The following UNC79 variants were observed in gnomAD, a reference collection of about 807,000 sequenced individuals.
The protein encoded by UNC79 is unc-79 subunit of NALCN channel complex, also known as protein unc-79 homolog.
A neutral mutation model predicts 283.1 loss-of-function variants in UNC79; 37 were observed. That is an observed-to-expected ratio of 0.13 (90% CI 0.10 to 0.17). The LOEUF is 0.17. Among genes scored for constraint, UNC79 ranks in the 10% least tolerant of loss-of-function variants. The pLI, the probability that UNC79 is intolerant of heterozygous loss-of-function variation, is 1.00. For synonymous variants in UNC79, 1,107 were observed against 1,200.2 expected (o/e 0.92, Z 1.61); for missense variants, 2,272 against 3,211.1 (o/e 0.71, Z 7.07).
chr14:93,700,301 G>A (rs749603981), intron 47 of UNC79, among the ~76,000 whole-genome samples: 34 of 151,810 alleles, frequency 2.2e-4, no homozygotes, highest in Non-Finnish European at 5.9e-5. Context: ...TTGAATCTCT[G>A]GATTTATAGT....
At chr14:93,630,520 T>G (rs1415534630) in intron 30 of UNC79, among the ~76,000 whole-genome samples, 1 of 152,192 alleles carries the variant, frequency 6.6e-6, no homozygotes, top group Non-Finnish European at 1.5e-5. Context: ...AAGGAATTTG[T>G]TTGGGGATAT....
chr14:93,652,881 T>C (rs1052170739), intron 35 of UNC79, among the ~76,000 whole-genome samples: 7 of 152,206 alleles, frequency 4.6e-5, no homozygotes, highest in Admixed American at 3.3e-4. Context: ...CTATGCTGCC[T>C]GCATCAAACA....
intron 7 of UNC79, among the ~76,000 whole-genome samples, chr14:93,516,461 G>GA (rs1491425881): frequency 1.5e-3 from 136 of 90,870 alleles, no homozygotes; most frequent in African/African-American, 4.7e-3. Context: ...GGGGGGGGGG[G>GA]TGGGGGATGG....
At position 93,690,393 on chromosome 14, in the gene UNC79, T is replaced by C. The variant is rs1295289143; in HGVS notation, c.7272+90T>C. The C allele has an allele frequency of 2.1e-6, 3 of 1,417,532 alleles. No homozygotes were observed. Among genetic ancestry groups the C allele is most frequent in the Non-Finnish European group, 2.9e-6 (3 of 1,044,496 alleles). The allele number at this position is 1,417,532 out of a possible 1,614,324, so 87.8% of individuals were successfully genotyped here. On this transcript the variant is annotated intron_variant, in intron 45 of 48. Coordinates refer to ENST00000555664, the Ensembl canonical transcript of UNC79. This position sits in a 1 kb window ranked among gnomAD's most constrained non-coding sequence, Gnocchi z 4.3. ...AATTATGTTTCTTCTGAGAAGAAAA[T>C]ACATCTTATCATTTGCCCTCCTGTG...
chr14:93,680,583 CTATT>C (rs150467251), intron 41 of UNC79, among the ~76,000 whole-genome samples: 4 of 151,884 alleles, frequency 2.6e-5, no homozygotes, highest in South Asian at 2.1e-4. Flanking sequence ...ACTTAGATAG[CTATT>C]TATTTATTTA....
At chr14:93,670,334 A>G (rs777708763) in intron 40 of UNC79, among the ~76,000 whole-genome samples, 2 of 152,078 alleles carry the variant, frequency 1.3e-5, no homozygotes, top group Non-Finnish European at 2.9e-5. Context: ...TCCCACCTTC[A>G]TTTGCCAATT....
At chr14:93,417,118 G>A (rs1370351512) in intron 1 of UNC79, among the ~76,000 whole-genome samples, 1 of 152,036 alleles carries the variant, frequency 6.6e-6, no homozygotes, top group Non-Finnish European at 1.5e-5. Flanking sequence ...TCCTAGCCTC[G>A]ATGGTCTTTA....
chr14:93,537,972 A>G lies in UNC79; in HGVS notation c.1123-17A>G. On this transcript the variant is annotated splice_polypyrimidine_tract_variant and intron_variant, in intron 11 of 48. Transcript: ENST00000555664. Reference sequence around the variant, plus strand: ...TCGGTGGTCAATTTTAATTGATTTCACTTTCTTGGCTTCTAGAACTGCAGT... The same window carrying G: ...TCGGTGGTCAATTTTAATTGATTTCGCTTTCTTGGCTTCTAGAACTGCAGT... 3 of 1,595,190 alleles carry G rather than the reference A, an allele frequency of 1.9e-6. No homozygotes were observed. The highest frequency in any genetic ancestry group is 2.6e-6 in the Non-Finnish European group (3 of 1,172,218).
At chr14:93,494,516 G>A (rs1322162684) in intron 5 of UNC79, among the ~76,000 whole-genome samples, 1 of 152,154 alleles carries the variant, frequency 6.6e-6, no homozygotes, top group Non-Finnish European at 1.5e-5. Flanking sequence ...TGGTAATTAG[G>A]TAGTTGTATT....
intron 35 of UNC79, among the ~76,000 whole-genome samples, chr14:93,648,011 T>G (rs1388777357): frequency 2.0e-5 from 3 of 152,146 alleles, no homozygotes; most frequent in African/African-American, 7.2e-5. Flanking sequence ...GATTCAGTTA[T>G]CTCCCACTGG....
upstream of UNC79, among the ~76,000 whole-genome samples, chr14:93,427,621 T>C (rs907004649): frequency 6.6e-6 from 1 of 152,124 alleles, no homozygotes; most frequent in Non-Finnish European, 1.5e-5. Flanking sequence ...TACTTATTTT[T>C]TGTCTTTCCA....
At chr14:93,421,524 A>G (rs1038987640) in intron 1 of UNC79, among the ~76,000 whole-genome samples, 1 of 151,700 alleles carries the variant, frequency 6.6e-6, no homozygotes, top group Non-Finnish European at 1.5e-5. Context: ...TCTGCCAGAC[A>G]TTTAAAGAAT....
chr14:93,367,250 T>A (rs1266599227), intron 1 of UNC79, among the ~76,000 whole-genome samples: 2 of 152,076 alleles, frequency 1.3e-5, no homozygotes, highest in Non-Finnish European at 2.9e-5. Flanking sequence ...CAGGAAATAG[T>A]GGTGAAGAAT....
chr14:93,620,443 A>AT (rs879814675), intron 29 of UNC79, among the ~76,000 whole-genome samples: 24 of 151,368 alleles, frequency 1.6e-4, no homozygotes, highest in Admixed American at 1.3e-3. Context: ...ATAAAGGCAG[A>AT]TTTTTTTTTC....
intron 1 of UNC79, among the ~76,000 whole-genome samples, chr14:93,402,976 A>C (rs1566914199): frequency 6.6e-6 from 1 of 152,184 alleles, no homozygotes; most frequent in Admixed American, 6.5e-5. Flanking sequence ...GACATCAATT[A>C]ATATGTGTAA....
At chr14:93,349,654 C>G (rs113018203) in intron 1 of UNC79, among the ~76,000 whole-genome samples, 13 of 152,122 alleles carry the variant, frequency 8.5e-5, no homozygotes, top group African/African-American at 3.1e-4. Flanking sequence ...CATCCACAGG[C>G]TGGCTGCACG....
chr14:93,372,373 CAG>C (rs2054470622), intron 1 of UNC79, among the ~76,000 whole-genome samples: 1 of 152,110 alleles, frequency 6.6e-6, no homozygotes, highest in Admixed American at 6.5e-5. Context: ...AGTTAAAAGA[CAG>C]AGATTGTCAG....
intron 24 of UNC79, among the ~76,000 whole-genome samples, chr14:93,599,905 A>G (rs1363505094): frequency 6.6e-6 from 1 of 152,244 alleles, no homozygotes; most frequent in Non-Finnish European, 1.5e-5. Flanking sequence ...GACTACAGGC[A>G]TTAAAACCAG....
chr14:93,429,151 T>A (rs1314840425), upstream of UNC79, among the ~76,000 whole-genome samples: 1 of 152,252 alleles, frequency 6.6e-6, no homozygotes, highest in African/African-American at 2.4e-5. Flanking sequence ...CTTTTAGTCA[T>A]ACAAAGTGTT....
Sources: gnomAD v4.1 joint callset for allele counts (sites outside exome capture counted in the v4.1 genomes callset) on GRCh38, gnomAD v4.1.1 for gene constraint, Gnocchi (gnomAD v3.1) non-coding constraint, MANE v1.5 for transcripts, NCBI Gene and HGNC (gene_info 2026-07-23, HGNC 2026-07-21) for gene names.